SMG6: variants seen among roughly 807,000 people sequenced by gnomAD.
SMG6 encodes the protein telomerase-binding protein EST1A.
A neutral mutation model predicts 142.2 loss-of-function variants in SMG6; 66 were observed. The observed-to-expected ratio is 0.46, with a 90% confidence interval of 0.38 to 0.57. The LOEUF is 0.57. Ranked by LOEUF, SMG6 falls within the 20% of genes least tolerant of loss-of-function variation. The pLI, the probability that SMG6 is intolerant of heterozygous loss-of-function variation, is 0.00. For missense variants in SMG6, 1,793 were observed against 1,832.0 expected (o/e 0.98, Z 0.39); for synonymous variants, 779 against 702.4 (o/e 1.11, Z -1.72).
At chr17:2,236,901 G>C in intron 9 of SMG6, 1 of 1,066,420 alleles carries the variant, frequency 9.4e-7, no homozygotes, top group Non-Finnish European at 1.2e-6. Context: ...GAGTTATTAT[G>C]CTTTGGTATG....
chr17:2,128,833 AAG>A (rs1555541008), intron 13 of SMG6, among the ~76,000 whole-genome samples: 3 of 149,034 alleles, frequency 2.0e-5, no homozygotes, highest in Non-Finnish European at 3.0e-5. Context: ...AAAAAAAAAA[AAG>A]AGAGAGAGAG....
Position 2,061,466 on chromosome 17 carries a change from G to GGC in SMG6, c.*25_*26insGC, listed in dbSNP as rs770234882. 13 of 1,236,442 alleles carry GGC rather than the reference G, an allele frequency of 1.1e-5. No homozygotes were observed. The highest frequency in any genetic ancestry group is 4.0e-5 in the South Asian group (3 of 74,256). The allele number at this position is 1,236,442 out of a possible 1,614,324, so 76.6% of individuals were successfully genotyped here. A position where few individuals can be genotyped will look rare whatever the true frequency, so the allele number is the denominator to read the frequency against. ...GGTGGCCTTTCAGGAACGGTTCCAC[G>GGC]GGGGGGGGGCCCCAGTGTGGCTCCC... On this transcript the variant is annotated 3_prime_UTR_variant, in exon 19 of 19. Coordinates refer to ENST00000263073, the MANE Select transcript of SMG6 (RefSeq NM_017575.5).
In SMG6 at chr17:2,105,083, AT is replaced by A. The variant is rs549898049; in HGVS notation, c.3358-19183del. On this transcript the variant is annotated intron_variant, in intron 13 of 18. Transcript: ENST00000263073. ...AGGTATGCACCACCACACCCAGCTA[AT>A]TTTTTTTTTTTTTTTTTTTTTTTGT... Among the ~76,000 whole-genome samples the A allele has an allele frequency of 3.9e-3, 400 of 103,134 alleles. 1 individual carries two copies. Among genetic ancestry groups the A allele is most frequent in the East Asian group, 0.029 (97 of 3,316 alleles). 67.7% of individuals were successfully genotyped at this position (103,134 alleles called of 152,430 possible).
At chr17:2,179,654 T>C (rs1224512399) in intron 12 of SMG6, among the ~76,000 whole-genome samples, 2 of 151,992 alleles carry the variant, frequency 1.3e-5, no homozygotes. Context: ...TAGGAAGATA[T>C]ATAGCATCAG....
chr17:2,288,499 G>A (rs1171322463), intron 6 of SMG6, among the ~76,000 whole-genome samples: 1 of 151,768 alleles, frequency 6.6e-6, no homozygotes, highest in Non-Finnish European at 1.5e-5. Flanking sequence ...GCATGCGCCT[G>A]TGGTCCCAGC....
At chr17:2,074,169 C>T (rs183823539) in intron 15 of SMG6, among the ~76,000 whole-genome samples, 14 of 152,198 alleles carry the variant, frequency 9.2e-5, no homozygotes, top group Non-Finnish European at 1.9e-4. Context: ...CTGAAACTCC[C>T]AGGCTCAAGT....
At chr17:2,182,527 A>G (rs1374649350) in intron 12 of SMG6, among the ~76,000 whole-genome samples, 2 of 152,112 alleles carry the variant, frequency 1.3e-5, no homozygotes, top group Non-Finnish European at 2.9e-5. Context: ...CAGGGAAAAA[A>G]TTTAGAAAGA....
rs1307214616 is a variant in SMG6 at position 2,189,798 on chromosome 17, TAAG to T, written c.2870-1286_2870-1284del. ...AACCCACTTCTGAAAGTACTGGGTGTAAGAAGGAGCAGGCTGCTGCTCAGAAGG... is the reference window on the plus strand; with the variant it reads ...AACCCACTTCTGAAAGTACTGGGTGTAAGGAGCAGGCTGCTGCTCAGAAGG... On this transcript the variant is annotated intron_variant, in intron 10 of 18. Transcript: ENST00000263073. Among the ~76,000 whole-genome samples, 3 of 152,100 alleles carry T rather than the reference TAAG, an allele frequency of 2.0e-5. No individual in the cohort carries two copies. In the East Asian group the frequency reaches 5.8e-4, roughly 29 times the overall value.
chr17:2,196,841 C>A (rs907779871), intron 10 of SMG6, among the ~76,000 whole-genome samples: 2 of 152,036 alleles, frequency 1.3e-5, no homozygotes, highest in East Asian at 3.9e-4. Flanking sequence ...CTAACGTAAA[C>A]AACATAGCAA....
chr17:2,289,119 G>A (rs1029002185), intron 6 of SMG6, among the ~76,000 whole-genome samples: 2 of 151,566 alleles, frequency 1.3e-5, no homozygotes, highest in African/African-American at 4.9e-5. Context: ...CTGTGGTGGC[G>A]GGCACCTGTA....
At chr17:2,151,441 G>T (rs2070822205) in intron 13 of SMG6, among the ~76,000 whole-genome samples, 4 of 152,150 alleles carry the variant, frequency 2.6e-5, no homozygotes, top group Admixed American at 2.0e-4. Context: ...ATTCACGAAG[G>T]CTCAGAAATT....
At chr17:2,077,798 T>C (rs1193286740) in intron 15 of SMG6, among the ~76,000 whole-genome samples, 6 of 151,970 alleles carry the variant, frequency 3.9e-5, no homozygotes, top group African/African-American at 1.5e-4. Flanking sequence ...TCCTGAGTAG[T>C]TGGAACCATA....
chr17:2,137,457 AG>A (rs2070340162), intron 13 of SMG6, among the ~76,000 whole-genome samples: 1 of 152,246 alleles, frequency 6.6e-6, no homozygotes, highest in South Asian at 2.1e-4. Flanking sequence ...TGTGACTCCA[AG>A]AAATGGTGTG....
rs1404569772 is a variant in SMG6 at position 2,292,534 on chromosome 17, G to A, written c.2337+18C>T. On this transcript the variant is annotated intron_variant, in intron 6 of 18. Transcript: ENST00000263073. ...ACTTCCTGCAAAGCACTTTTCCCCT[G>A]TCCACAGGATTTCTTACCGTATACA... is the stretch of plus-strand genomic sequence containing the variant. The A allele has an allele frequency of 3.7e-6, 6 of 1,612,914 alleles. No homozygotes were observed. The East Asian group carries it at 6.7e-5, about 18-fold the overall frequency.
intron 4 of SMG6, among the ~76,000 whole-genome samples, chr17:2,296,225 A>C (rs1472150459): frequency 1.3e-5 from 2 of 152,164 alleles, no homozygotes; most frequent in Non-Finnish European, 2.9e-5. Context: ...TTCCACCTAC[A>C]ATAGCCCCCT....
intron 12 of SMG6, among the ~76,000 whole-genome samples, chr17:2,174,237 A>G (rs2071592805): frequency 6.6e-6 from 1 of 152,194 alleles, no homozygotes; most frequent in African/African-American, 2.4e-5. Flanking sequence ...TCTTGCTAAA[A>G]ACAACAAAGA....
intron 13 of SMG6, chr17:2,088,796 C>A (rs1293279699): frequency 3.0e-6 from 3 of 985,316 alleles, no homozygotes; most frequent in Admixed American, 6.1e-5. Flanking sequence ...AACCTTCTGT[C>A]TGTAGCTCAC....
chr17:2,152,786 C>T (rs1421386162), intron 13 of SMG6, among the ~76,000 whole-genome samples: 3 of 152,196 alleles, frequency 2.0e-5, no homozygotes, highest in Non-Finnish European at 2.9e-5. Context: ...TAAACATACT[C>T]TTATCACATA....
intron 9 of SMG6, among the ~76,000 whole-genome samples, chr17:2,244,360 G>A (rs577740760): frequency 1.8e-4 from 28 of 152,312 alleles, no homozygotes; most frequent in African/African-American, 6.3e-4. Context: ...GACCTAAGCC[G>A]GAAGGCAGAG....
Sources: allele counts gnomAD v4.1 joint callset (sites outside exome capture counted in the v4.1 genomes callset), GRCh38; gene constraint gnomAD v4.1.1; transcripts MANE v1.5; gene names NCBI Gene and HGNC (gene_info 2026-07-23, HGNC 2026-07-21).